ANKRD6: variants seen among roughly 807,000 people sequenced by gnomAD.
ANKRD6 encodes the protein ankyrin repeat domain-containing protein 6.
ANKRD6 carries 56 observed loss-of-function variants against 82.3 expected under a neutral mutation model. That is an observed-to-expected ratio of 0.68 (90% CI 0.55 to 0.85). ANKRD6 has a LOEUF of 0.85. ANKRD6 is among the 40% of genes least tolerant of loss of function. ANKRD6 has a pLI of 0.00. For missense variants in ANKRD6, 852 were observed against 907.6 expected, an observed-to-expected ratio of 0.94 and a Z score of 0.79; for synonymous variants, 347 against 352.1, an observed-to-expected ratio of 0.99 and a Z score of 0.16.
At chr6:89,526,203 G>A (rs1394323529) in intron 1 of ANKRD6, among the ~76,000 whole-genome samples, 1 of 152,184 alleles carries the variant, frequency 6.6e-6, no homozygotes, top group African/African-American at 2.4e-5. Flanking sequence ...TACCAATTAT[G>A]TGTGTACACA....
intron 1 of ANKRD6, among the ~76,000 whole-genome samples, chr6:89,543,889 C>T (rs1425553834): frequency 1.3e-5 from 2 of 152,226 alleles, no homozygotes; most frequent in African/African-American, 4.8e-5. Context: ...ATGACATTTA[C>T]ATCCATCCTT....
intron 1 of ANKRD6, among the ~76,000 whole-genome samples, chr6:89,486,770 G>A (rs966283889): frequency 4.6e-5 from 7 of 152,094 alleles, no homozygotes; most frequent in African/African-American, 1.7e-4. Context: ...GTTCAGTTCT[G>A]TCAATGGCCC....
chr6:89,525,367 C>G (rs1214600993), intron 1 of ANKRD6, among the ~76,000 whole-genome samples: 2 of 151,784 alleles, frequency 1.3e-5, no homozygotes, highest in Non-Finnish European at 2.9e-5. Context: ...CTTGAGAGCT[C>G]TCAGATGGCA....
Position 89,526,041 on chromosome 6 carries a change from C to T in ANKRD6, c.-143-40793C>T, listed in dbSNP as rs111918571. 4.5e-3 allele frequency among the ~76,000 whole-genome samples: 686 copies of T among 152,332 alleles called. 4 individuals carry two copies. Among genetic ancestry groups the T allele is most frequent in the Non-Finnish European group, 7.5e-3 (512 of 68,034 alleles). ...TTGTAGCTGTAGGAATTTAGGAATT[C>T]GGGGCTGTGCCCGCCAAGCCCTGAA... On this transcript the variant is annotated intron_variant, in intron 1 of 15. Coordinates refer to ENST00000339746, the MANE Select transcript of ANKRD6 (RefSeq NM_001242809.2).
intron 1 of ANKRD6, among the ~76,000 whole-genome samples, chr6:89,528,029 T>C (rs1314475342): frequency 1.3e-5 from 2 of 152,216 alleles, no homozygotes; most frequent in African/African-American, 4.8e-5. Flanking sequence ...CAAGCTGATC[T>C]TAAACTTCTG....
intron 1 of ANKRD6, among the ~76,000 whole-genome samples, chr6:89,520,119 G>A (rs569104268): frequency 7.9e-5 from 12 of 152,242 alleles, no homozygotes; most frequent in Admixed American, 3.9e-4. Flanking sequence ...ACATACTTGG[G>A]ACTACAGGCA....
intron 1 of ANKRD6, among the ~76,000 whole-genome samples, chr6:89,496,180 C>CA (rs904391071): frequency 4.0e-4 from 61 of 151,728 alleles, no homozygotes; most frequent in African/African-American, 1.4e-3. Flanking sequence ...CACACTGCCC[C>CA]CCCCCCCACC....
chr6:89,625,590 C>T (rs915844735), intron 13 of ANKRD6, among the ~76,000 whole-genome samples: 3 of 152,050 alleles, frequency 2.0e-5, no homozygotes, highest in Admixed American at 6.6e-5. Flanking sequence ...GCAGACTGTC[C>T]TGACAGGGCA....
intron 1 of ANKRD6, among the ~76,000 whole-genome samples, chr6:89,438,242 A>C (rs2127927825): frequency 6.6e-6 from 1 of 152,320 alleles, no homozygotes; most frequent in South Asian, 2.1e-4. Flanking sequence ...CACAAGTCCT[A>C]ATCAGTTATT....
chr6:89,565,339 T>C (rs1473160103), intron 1 of ANKRD6: 1 of 152,264 alleles, frequency 6.6e-6, no homozygotes, highest in Non-Finnish European at 1.5e-5. Flanking sequence ...AGTTCCTCTC[T>C]CTTTTTCTGC....
intron 1 of ANKRD6, among the ~76,000 whole-genome samples, chr6:89,473,839 A>G (rs1775748476): frequency 6.6e-6 from 1 of 151,722 alleles, no homozygotes; most frequent in African/African-American, 2.4e-5. Flanking sequence ...AATTAGCAGG[A>G]TGTGGTGGCA....
chr6:89,488,552 G>A (rs1214557878), intron 1 of ANKRD6, among the ~76,000 whole-genome samples: 1 of 152,198 alleles, frequency 6.6e-6, no homozygotes, highest in Non-Finnish European at 1.5e-5. Flanking sequence ...AACATAGAAT[G>A]TAAAAATTCT....
chr6:89,460,231 A>G (rs1169157201), intron 1 of ANKRD6, among the ~76,000 whole-genome samples: 1 of 151,664 alleles, frequency 6.6e-6, no homozygotes, highest in African/African-American at 2.4e-5. Flanking sequence ...TGTAGTTATT[A>G]TAATATCAAT....
At chr6:89,538,480 A>G (rs1011747608) in intron 1 of ANKRD6, among the ~76,000 whole-genome samples, 1 of 152,240 alleles carries the variant, frequency 6.6e-6, no homozygotes, top group Non-Finnish European at 1.5e-5. Context: ...ACAGGAAAGC[A>G]TTCTAGAGTA....
At chr6:89,459,672 T>TA (rs1562548436) in intron 1 of ANKRD6, among the ~76,000 whole-genome samples, 2 of 152,132 alleles carry the variant, frequency 1.3e-5, no homozygotes, top group South Asian at 2.1e-4. Flanking sequence ...CAGCTAATTT[T>TA]AAAAAATATT....
At chr6:89,521,003 C>T (rs983342329) in intron 1 of ANKRD6, among the ~76,000 whole-genome samples, 1 of 152,150 alleles carries the variant, frequency 6.6e-6, no homozygotes, top group African/African-American at 2.4e-5. Context: ...GAAAAATAGT[C>T]TGTCCTCCCA....
At chr6:89,536,172 C>CT (rs1376818457) in intron 1 of ANKRD6, among the ~76,000 whole-genome samples, 1 of 152,154 alleles carries the variant, frequency 6.6e-6, no homozygotes, top group African/African-American at 2.4e-5. Flanking sequence ...GGAGGTTGCA[C>CT]TAAGCCGAGA....
At chr6:89,435,091 C>T (rs1770459043) in intron 1 of ANKRD6, among the ~76,000 whole-genome samples, 2 of 152,156 alleles carry the variant, frequency 1.3e-5, no homozygotes, top group African/African-American at 4.8e-5. Flanking sequence ...TAAGCATATG[C>T]TCCATGTAAA....
chr6:89,617,816 T>C, intron 8 of ANKRD6, 138 bp from the exon 9 acceptor site: 1 of 737,660 alleles, frequency 1.4e-6, no homozygotes, highest in Non-Finnish European at 2.3e-6. Flanking sequence ...ATCACATAGG[T>C]GGCCATGTTT....
Sources: allele counts gnomAD v4.1 joint callset (sites outside exome capture counted in the v4.1 genomes callset), GRCh38; gene constraint gnomAD v4.1.1; transcripts MANE v1.5; gene names NCBI Gene and HGNC (gene_info 2026-07-23, HGNC 2026-07-21).